GRIP1: variants seen among roughly 807,000 people sequenced by gnomAD.
GRIP1 encodes the protein glutamate receptor interacting protein 1, also known as glutamate receptor-interacting protein 1.
GRIP1 carries 45 observed loss-of-function variants against 129.9 expected under a neutral mutation model. The observed-to-expected ratio is 0.35, with a 90% CI of 0.27 to 0.44. The LOEUF is 0.44. Ranked by LOEUF, GRIP1 falls within the 20% of genes least tolerant of loss-of-function variation. The pLI, the probability that GRIP1 is intolerant of heterozygous loss-of-function variation, is 1.00. For synonymous variants in GRIP1, 530 were observed against 520.8 expected (o/e 1.02, Z -0.24); for missense variants, 1,196 against 1,396.8 (o/e 0.86, Z 2.29).
intron 1 of GRIP1, among the ~76,000 whole-genome samples, chr12:67,002,967 C>A (rs1392315892): frequency 1.3e-5 from 2 of 152,148 alleles, no homozygotes; most frequent in Non-Finnish European, 2.9e-5. Flanking sequence ...TGGCTTTATG[C>A]CTCCTGTTTC....
At chr12:66,875,699 A>C (rs2040371199) in intron 1 of GRIP1, among the ~76,000 whole-genome samples, 1 of 152,094 alleles carries the variant, frequency 6.6e-6, no homozygotes, top group African/African-American at 2.4e-5. Flanking sequence ...AGTTTTACTA[A>C]GATCAATCAT....
chr12:66,894,185 T>C (rs750286879), intron 1 of GRIP1, among the ~76,000 whole-genome samples: 27 of 150,868 alleles, frequency 1.8e-4, no homozygotes, highest in Non-Finnish European at 3.1e-4. Context: ...TTTAAAAGTC[T>C]TTCTCCAATA....
At chr12:66,674,441 A>G (rs1428342612) in intron 1 of GRIP1, among the ~76,000 whole-genome samples, 1 of 152,200 alleles carries the variant, frequency 6.6e-6, no homozygotes. Flanking sequence ...CATTAAGACA[A>G]AACATTTAAA....
intron 19 of GRIP1, among the ~76,000 whole-genome samples, chr12:66,383,346 G>A (rs1287262935): frequency 2.5e-5 from 3 of 120,602 alleles, no homozygotes; most frequent in Admixed American, 8.5e-5. Flanking sequence ...AACAACAACA[G>A]ACAGTGTTGG....
At chr12:66,919,519 C>T (rs906487476) in intron 1 of GRIP1, among the ~76,000 whole-genome samples, 11 of 152,258 alleles carry the variant, frequency 7.2e-5, no homozygotes, top group African/African-American at 1.9e-4. Context: ...CTAGACTACA[C>T]GGGGACTGGT....
intron 1 of GRIP1, among the ~76,000 whole-genome samples, chr12:66,842,011 C>A (rs2039726838): frequency 1.3e-5 from 2 of 152,120 alleles, no homozygotes; most frequent in Non-Finnish European, 2.9e-5. Context: ...GATTTATCTA[C>A]CCTTGCCCCT....
Position 66,392,416 on chromosome 12 carries a change from G to C in GRIP1, c.2356C>G (p.Gln786Glu). ...GDVEEDSSPA[Q>E]KPGKLSDMYP... ...ATGTCGGAGAGCTTGCCTGGCTTCT[G>C]TGCTGGTGAGGAGTCCTCCTCCACA... The change falls in exon 19 of 25, where the codon CAG becomes GAG. Residue 786 changes from glutamine (Q) to glutamate (E), a missense_variant. Around this residue, in one of 5 missense-constraint regions of GRIP1, gnomAD observed 427 missense variants for 463.3 expected, o/e 0.92. Coordinates refer to ENST00000359742, the MANE Select transcript of GRIP1 (RefSeq NM_001366722.1). 6.2e-7 allele frequency: 1 copy of C among 1,613,970 alleles called. No homozygotes were observed. Among genetic ancestry groups the C allele is most frequent in the Non-Finnish European group, 8.5e-7 (1 of 1,179,866 alleles).
intron 1 of GRIP1, among the ~76,000 whole-genome samples, chr12:66,757,330 G>A (rs1465499067): frequency 1.3e-5 from 2 of 152,142 alleles, no homozygotes; most frequent in African/African-American, 2.4e-5. Flanking sequence ...GAGAATATGT[G>A]AAGTTTGTCT....
chr12:66,658,732 C>T (rs1352006584), intron 1 of GRIP1, among the ~76,000 whole-genome samples: 3 of 151,928 alleles, frequency 2.0e-5, no homozygotes, highest in African/African-American at 7.3e-5. Context: ...CAGGGAGATC[C>T]TGTCTCTAAA....
At chr12:66,614,694 G>T (rs2064962839) in intron 1 of GRIP1, among the ~76,000 whole-genome samples, 1 of 152,082 alleles carries the variant, frequency 6.6e-6, no homozygotes, top group Admixed American at 6.6e-5. Context: ...ATTATACTTA[G>T]AATAATATCC....
At chr12:66,590,190 TA>T (rs1418905708) in intron 2 of GRIP1, among the ~76,000 whole-genome samples, 5 of 151,970 alleles carry the variant, frequency 3.3e-5, no homozygotes, top group Admixed American at 2.6e-4. Context: ...GACAAAGGGG[TA>T]CCCAAACGGG....
In GRIP1 at chr12:66,913,452, ATGTTCCAGTAAAACATC is replaced by A. The variant is rs2041066667; in HGVS notation, c.58+155581_58+155597del. Among the ~76,000 whole-genome samples, 3 of 152,328 alleles carry A rather than the reference ATGTTCCAGTAAAACATC, an allele frequency of 2.0e-5. 1 individual carries two copies. The highest frequency in any genetic ancestry group is 2.0e-4 in the Admixed American group (3 of 15,300). ...ACAACAACAAAAAAAACCCTCAGTA[ATGTTCCAGTAAAACATC>A]TGGTTTTCAGCAGCAATAATGCATC... On this transcript the variant is annotated intron_variant, in intron 1 of 1. Coordinates refer to the GRIP1 transcript ENST00000643019.
At chr12:66,811,097 A>G (rs1454980063) in intron 1 of GRIP1, among the ~76,000 whole-genome samples, 1 of 152,266 alleles carries the variant, frequency 6.6e-6, no homozygotes, top group Non-Finnish European at 1.5e-5. Flanking sequence ...GACTTCTTGC[A>G]AAATGAAATG....
At chr12:66,444,844 T>C (rs374036652) in intron 12 of GRIP1, 115 bp from the exon 13 acceptor site, 1 of 1,053,886 alleles carries the variant, frequency 9.5e-7, no homozygotes. Context: ...TGGTCTTGCT[T>C]ATTCAATGCT....
chr12:67,052,360 T>C (rs892632007), intron 1 of GRIP1, among the ~76,000 whole-genome samples: 1 of 152,228 alleles, frequency 6.6e-6, no homozygotes, highest in Non-Finnish European at 1.5e-5. Context: ...TTGTTTTGTA[T>C]AGGATCTTGT....
At chr12:66,943,523 T>A (rs2041620655) in intron 1 of GRIP1, among the ~76,000 whole-genome samples, 1 of 152,254 alleles carries the variant, frequency 6.6e-6, no homozygotes, top group Admixed American at 6.5e-5. Context: ...TACAGTTTCA[T>A]GTTTCTCTTT....
chr12:66,513,880 A>T (rs10506485), intron 7 of GRIP1, among the ~76,000 whole-genome samples: 75,060 of 151,992 alleles, frequency 0.49, 19,131 homozygotes, highest in African/African-American at 0.63. Context: ...GCTCTTCCCT[A>T]AAATGGTATC....
chr12:66,853,758 A>T (rs970336887), intron 1 of GRIP1, among the ~76,000 whole-genome samples: 7 of 152,262 alleles, frequency 4.6e-5, no homozygotes, highest in African/African-American at 1.7e-4. Context: ...AATTAATACG[A>T]GTAAACACTA....
chr12:66,581,026 A>T (rs2063355921), intron 2 of GRIP1, among the ~76,000 whole-genome samples: 1 of 152,212 alleles, frequency 6.6e-6, no homozygotes, highest in Non-Finnish European at 1.5e-5. Context: ...CTCCTCAGGA[A>T]ATGTAAAAGA....
Sources: gnomAD v4.1 joint callset for allele counts (sites outside exome capture counted in the v4.1 genomes callset) on GRCh38, gnomAD v4.1.1 for gene constraint, gnomAD v4.1.1 regional missense constraint, MANE v1.5 for transcripts, NCBI Gene and HGNC (gene_info 2026-07-23, HGNC 2026-07-21) for gene names.